Variants in CTNNA2 observed in about 807,000 individuals in gnomAD.
The protein encoded by CTNNA2 is catenin alpha 2, also known as catenin alpha-2.
CTNNA2 carries 42 observed loss-of-function variants against 101.0 expected under a neutral mutation model. The ratio of observed to expected loss-of-function variants is 0.42; its 90% CI spans 0.32 to 0.54. The LOEUF (loss-of-function observed/expected upper bound fraction) is 0.54. CTNNA2 is among the 20% of genes least tolerant of loss of function. The probability of loss-of-function intolerance (pLI) is 0.14; values close to 1 mark genes in which losing one functional copy is unlikely to be tolerated. For missense variants in CTNNA2, 871 were observed against 1,223.1 expected (o/e 0.71, Z 4.29); for synonymous variants, 450 against 456.4 (o/e 0.99, Z 0.18).
At chr2:79,798,157 G>A (rs1418886223) in intron 3 of CTNNA2, among the ~76,000 whole-genome samples, 1 of 152,166 alleles carries the variant, frequency 6.6e-6, no homozygotes, top group Non-Finnish European at 1.5e-5. Context: ...CCAGCAATCT[G>A]TATTTTAACT....
chr2:80,430,722 C>A (rs1182626594), intron 9 of CTNNA2, among the ~76,000 whole-genome samples: 1 of 152,234 alleles, frequency 6.6e-6, no homozygotes, highest in South Asian at 2.1e-4. Flanking sequence ...CCACATTAGA[C>A]ATTAGAAGGT....
intron 7 of CTNNA2, among the ~76,000 whole-genome samples, chr2:80,190,672 G>A (rs1392326353): frequency 6.6e-6 from 1 of 152,086 alleles, no homozygotes; most frequent in Non-Finnish European, 1.5e-5. Context: ...CTTCTATGTG[G>A]CCCCTTGGTT....
intron 4 of CTNNA2, among the ~76,000 whole-genome samples, chr2:79,431,121 TA>T (rs1319679658): frequency 1.3e-5 from 2 of 152,098 alleles, no homozygotes; most frequent in African/African-American, 4.8e-5. Context: ...TGAGCCTCTT[TA>T]AAGCTGGACT....
intron 9 of CTNNA2, among the ~76,000 whole-genome samples, chr2:80,506,268 G>C (rs534422284): frequency 6.6e-4 from 101 of 152,250 alleles, no homozygotes; most frequent in South Asian, 2.3e-3. Context: ...GCAGCACTTG[G>C]GCTGACTCGT....
intron 11 of CTNNA2, among the ~76,000 whole-genome samples, chr2:80,553,266 G>A (rs1440694422): frequency 6.6e-6 from 1 of 151,650 alleles, no homozygotes; most frequent in Non-Finnish European, 1.5e-5. Flanking sequence ...TAGTCAATTA[G>A]TAAATTATAA....
At chr2:80,606,397 CACACACACACACACA>C (rs1698014411) in intron 16 of CTNNA2, among the ~76,000 whole-genome samples, 1 of 121,454 alleles carries the variant, frequency 8.2e-6, no homozygotes, top group East Asian at 2.4e-4. Context: ...CACACACACA[CACACACACACACACA>C]CCCCCCAGGA....
intron 7 of CTNNA2, among the ~76,000 whole-genome samples, chr2:79,940,060 TCAAA>T (rs1434986953): frequency 1.3e-5 from 2 of 151,852 alleles, no homozygotes; most frequent in Non-Finnish European, 2.9e-5. Flanking sequence ...CCATTCCGTC[TCAAA>T]CAAAACCAAA....
At chr2:79,696,422 G>A (rs1448846495) in intron 2 of CTNNA2, among the ~76,000 whole-genome samples, 2 of 151,966 alleles carry the variant, frequency 1.3e-5, no homozygotes, top group Admixed American at 6.6e-5. Flanking sequence ...CTGTCAACAG[G>A]TTTCTTGATA....
intron 3 of CTNNA2, among the ~76,000 whole-genome samples, chr2:79,824,826 T>A (rs1410966446): frequency 6.6e-6 from 1 of 152,160 alleles, no homozygotes; most frequent in Admixed American, 6.6e-5. Context: ...GGTTTTAATA[T>A]CAAATATAAT....
intron 7 of CTNNA2, among the ~76,000 whole-genome samples, chr2:80,282,371 G>A (rs892373170): frequency 6.6e-6 from 1 of 151,670 alleles, no homozygotes; most frequent in African/African-American, 2.4e-5. Flanking sequence ...TTTTTTGATG[G>A]CCCTTGGCAA....
chr2:79,910,414 T>C (rs1363185963), intron 7 of CTNNA2, among the ~76,000 whole-genome samples: 2 of 152,174 alleles, frequency 1.3e-5, no homozygotes, highest in African/African-American at 4.8e-5. Context: ...TCTCCTATAG[T>C]TGTAAAATGT....
chr2:79,201,295 C>T (rs72915137), intron 2 of CTNNA2, among the ~76,000 whole-genome samples: 11,525 of 152,194 alleles, frequency 0.076, 504 homozygotes, highest in East Asian at 0.15. Flanking sequence ...TTACTGAGCA[C>T]TCTAATGGTA....
At chr2:79,635,724 T>C (rs1158630172) in intron 1 of CTNNA2, among the ~76,000 whole-genome samples, 2 of 151,054 alleles carry the variant, frequency 1.3e-5, no homozygotes, top group African/African-American at 4.8e-5. Flanking sequence ...AACTGGTCTC[T>C]AACTACTGAC....
chr2:80,135,803 C>T (rs1702662083), intron 7 of CTNNA2, among the ~76,000 whole-genome samples: 1 of 152,136 alleles, frequency 6.6e-6, no homozygotes, highest in Non-Finnish European at 1.5e-5. Context: ...ATATCCTTGG[C>T]CTGCCTTGAG....
intron 2 of CTNNA2, among the ~76,000 whole-genome samples, chr2:79,267,841 G>A (rs1675006058): frequency 6.6e-6 from 1 of 152,110 alleles, no homozygotes. Flanking sequence ...ATCCTAATGT[G>A]TATTTGAGAT....
rs766777366 is a variant in CTNNA2, at chr2:79,858,137, G to A, written c.423G>A (p.Ala141=). The change falls in exon 4 of 19, where the codon GCG becomes GCA. Residue 141 remains alanine, a synonymous_variant. Transcript: ENST00000402739. ...LSAVTRLLIL[A]DMADVMRLLS... ...CGGTGACACGCTTACTCATCCTGGC[G>A]GACATGGCAGATGTCATGAGACTTT... The A allele has an allele frequency of 1.2e-5, 20 of 1,613,770 alleles. No homozygotes were observed. Among genetic ancestry groups the A allele is most frequent in the South Asian group, 3.3e-5 (3 of 91,078 alleles).
chr2:79,802,958 A>G (rs1448876948), intron 3 of CTNNA2, among the ~76,000 whole-genome samples: 1 of 152,222 alleles, frequency 6.6e-6, no homozygotes, highest in East Asian at 1.9e-4. Flanking sequence ...AAACATTTTA[A>G]AAGGTTAAAA....
intron 7 of CTNNA2, among the ~76,000 whole-genome samples, chr2:79,986,588 G>T (rs1691780280): frequency 6.6e-6 from 1 of 152,148 alleles, no homozygotes; most frequent in South Asian, 2.1e-4. Context: ...TTATGCAGGT[G>T]GAGGGGCTAA....
At chr2:80,058,574 T>G (rs910897260) in intron 7 of CTNNA2, among the ~76,000 whole-genome samples, 1 of 152,226 alleles carries the variant, frequency 6.6e-6, no homozygotes, top group Non-Finnish European at 1.5e-5. Flanking sequence ...GTGTTACTTA[T>G]AGGCGTAAAA....
Sources: gnomAD v4.1 joint callset for allele counts (sites outside exome capture counted in the v4.1 genomes callset) on GRCh38, gnomAD v4.1.1 for gene constraint, MANE v1.5 for transcripts, NCBI Gene and HGNC (gene_info 2026-07-23, HGNC 2026-07-21) for gene names.